The following FRRS1 variants were observed in gnomAD, a reference collection of about 807,000 sequenced individuals.
The protein encoded by FRRS1 is ferric reductase 1.
In FRRS1, 51 loss-of-function variants were observed where a neutral mutation model predicts 70.7. The ratio of observed to expected loss-of-function variants is 0.72; its 90% confidence interval spans 0.58 to 0.91. The LOEUF (loss-of-function observed/expected upper bound fraction) is 0.91, where lower values mean the gene tolerates loss of function less well. Among genes scored for constraint, FRRS1 ranks in the 40% least tolerant of loss-of-function variants. The pLI is 0.00. For synonymous variants in FRRS1, 225 were observed against 238.7 expected, an observed-to-expected ratio of 0.94 and a Z score of 0.53; for missense variants, 672 against 726.0, an observed-to-expected ratio of 0.93 and a Z score of 0.86.
rs1553169357 is a variant in FRRS1 at position 99,708,625 on chromosome 1, A to AAAATAT, written c.*402_*403insATATTT. 4 of 52,740 alleles carry AAAATAT rather than the reference A, an allele frequency of 7.6e-5. No individual in the cohort carries two copies. Among genetic ancestry groups the AAAATAT allele is most frequent in the Non-Finnish European group, 1.2e-4 (4 of 32,526 alleles). 3.3% of individuals were successfully genotyped at this position (52,740 alleles called of 1,614,324 possible). A position where few individuals can be genotyped will look rare whatever the true frequency, so the allele number is the denominator to read the frequency against. On this transcript the variant is annotated 3_prime_UTR_variant, in exon 17 of 17. Coordinates refer to ENST00000646001, the MANE Select transcript of FRRS1 (RefSeq NM_001361041.2). ...AAAAAAAAAAAAAAAAAAAAAAAAA[A>AAAATAT]ATATATATATATATATATATATATA...
chr1:99,716,430 C>T (rs905642018), intron 11 of FRRS1, among the ~76,000 whole-genome samples: 3 of 152,110 alleles, frequency 2.0e-5, no homozygotes, highest in Non-Finnish European at 4.4e-5. Flanking sequence ...CTGGGAATAT[C>T]CACATGAGCA....
chr1:99,741,205 C>A (rs1655945625), intron 5 of FRRS1, among the ~76,000 whole-genome samples: 1 of 152,166 alleles, frequency 6.6e-6, no homozygotes, highest in Non-Finnish European at 1.5e-5. Flanking sequence ...TGATGTCAGA[C>A]CCAGGGACAA....
chr1:99,715,198 G>T (rs867503795), intron 12 of FRRS1, among the ~76,000 whole-genome samples: 1 of 152,204 alleles, frequency 6.6e-6, no homozygotes, highest in East Asian at 1.9e-4. Context: ...ACTTAGCACC[G>T]CTGGGTACTG....
intron 12 of FRRS1, among the ~76,000 whole-genome samples, chr1:99,715,105 C>T (rs1480243292): frequency 6.6e-6 from 1 of 152,144 alleles, no homozygotes; most frequent in Admixed American, 6.5e-5. Context: ...AATCCTCCCG[C>T]CTCAGCCTCC....
At chr1:99,738,329 G>T in intron 6 of FRRS1, 61 bp from the exon 7 acceptor site, 2 of 1,275,046 alleles carry the variant, frequency 1.6e-6, no homozygotes, top group Non-Finnish European at 1.1e-6. Context: ...CATTGGCAAT[G>T]ACAGAAGAAT....
At chr1:99,723,089 A>ATGCCCTATATATATATATGCCC (rs1654912641) in intron 9 of FRRS1, among the ~76,000 whole-genome samples, 1 of 152,244 alleles carries the variant, frequency 6.6e-6, no homozygotes, top group Non-Finnish European at 1.5e-5. Flanking sequence ...GTAACCAAAT[A>ATGCCCTATATATATATATGCCC]TATATGCCCT....
chr1:99,722,551 G>C (rs1460483250), intron 9 of FRRS1, among the ~76,000 whole-genome samples: 1 of 152,076 alleles, frequency 6.6e-6, no homozygotes, highest in Non-Finnish European at 1.5e-5. Flanking sequence ...TTTATTCCAG[G>C]AATGTGAGGA....
intron 9 of FRRS1, among the ~76,000 whole-genome samples, chr1:99,727,698 G>C (rs375523787): frequency 6.6e-6 from 1 of 152,050 alleles, no homozygotes; most frequent in Non-Finnish European, 1.5e-5. Context: ...TTTCAAAGTG[G>C]GCTATATTCT....
At chr1:99,717,381 A>T in intron 11 of FRRS1, 29 bp downstream of exon 11, 1 of 1,282,082 alleles carries the variant, frequency 7.8e-7, no homozygotes, top group Non-Finnish European at 1.1e-6. Flanking sequence ...TACTATGAAT[A>T]TTGCATTGAA....
chr1:99,716,905 A>G (rs1654558853), intron 11 of FRRS1, among the ~76,000 whole-genome samples: 1 of 152,214 alleles, frequency 6.6e-6, no homozygotes, highest in Non-Finnish European at 1.5e-5. Context: ...TAACACGTTC[A>G]GTTTCTCTTT....
intron 1 of FRRS1, among the ~76,000 whole-genome samples, chr1:99,764,586 G>A (rs377034094): frequency 1.8e-4 from 27 of 152,168 alleles, no homozygotes; most frequent in South Asian, 1.0e-3. Context: ...TTAAAACGCC[G>A]TCAACTACTG....
intron 5 of FRRS1, among the ~76,000 whole-genome samples, chr1:99,741,153 T>C (rs1655943130): frequency 6.6e-6 from 1 of 152,252 alleles, no homozygotes; most frequent in Non-Finnish European, 1.5e-5. Flanking sequence ...TCTGTCCCTC[T>C]TTCCTTATTT....
intron 12 of FRRS1, 61 bp downstream of exon 12, chr1:99,715,525 C>A (rs915761705): frequency 2.1e-6 from 2 of 937,406 alleles, no homozygotes; most frequent in Admixed American, 3.7e-5. Flanking sequence ...GAAAATAAAA[C>A]AGCAATCTGT....
chr1:99,721,389 T>TAA (rs761285446), intron 9 of FRRS1, among the ~76,000 whole-genome samples: 4 of 65,712 alleles, frequency 6.1e-5, no homozygotes, highest in Non-Finnish European at 9.8e-5. Flanking sequence ...TCCGTCTCAA[T>TAA]AAAAAAAAAA....
intron 1 of FRRS1, among the ~76,000 whole-genome samples, chr1:99,752,017 T>C (rs1017727415): frequency 6.6e-6 from 1 of 152,188 alleles, no homozygotes; most frequent in Non-Finnish European, 1.5e-5. Flanking sequence ...ACCTCTCTCT[T>C]AGGGACCTAC....
intron 1 of FRRS1, among the ~76,000 whole-genome samples, chr1:99,761,690 T>C (rs1370539468): frequency 6.6e-6 from 1 of 152,194 alleles, no homozygotes; most frequent in Non-Finnish European, 1.5e-5. Context: ...ATCACAGTCC[T>C]GCTTTACATG....
intron 1 of FRRS1, among the ~76,000 whole-genome samples, chr1:99,751,807 A>G (rs1428427077): frequency 6.6e-6 from 1 of 152,254 alleles, no homozygotes; most frequent in Non-Finnish European, 1.5e-5. Flanking sequence ...TCAGATCTAC[A>G]TAAAGAAAGG....
chr1:99,760,669 A>G (rs1459210156), intron 1 of FRRS1, among the ~76,000 whole-genome samples: 1 of 151,792 alleles, frequency 6.6e-6, no homozygotes, highest in Non-Finnish European at 1.5e-5. Flanking sequence ...TTTTTTTTTG[A>G]GATGGAGTCT....
At chr1:99,717,380 T>C (rs1369526719) in intron 11 of FRRS1, 30 bp downstream of exon 11, 2 of 1,245,328 alleles carry the variant, frequency 1.6e-6, no homozygotes. Context: ...ATACTATGAA[T>C]ATTGCATTGA....
Sources: allele counts gnomAD v4.1 joint callset (sites outside exome capture counted in the v4.1 genomes callset), GRCh38; gene constraint gnomAD v4.1.1; transcripts MANE v1.5; gene names NCBI Gene and HGNC (gene_info 2026-07-23, HGNC 2026-07-21).